Variants in SERPINE2 observed in about 807,000 individuals in gnomAD.
SERPINE2 encodes serpin family E member 2.
In SERPINE2, 14 loss-of-function variants were observed where a neutral mutation model predicts 36.3. The ratio of observed to expected loss-of-function variants is 0.39; its 90% CI spans 0.25 to 0.60. The LOEUF is 0.60. SERPINE2 is among the 20% of genes least tolerant of loss of function. SERPINE2 has a pLI of 0.57. For synonymous variants in SERPINE2, 192 were observed against 191.8 expected, an observed-to-expected ratio of 1.00 and a Z score of -0.01; for missense variants, 418 against 499.6, an observed-to-expected ratio of 0.84 and a Z score of 1.56.
At chr2:224,016,714 T>C (rs554113280) in intron 1 of SERPINE2, among the ~76,000 whole-genome samples, 2 of 152,250 alleles carry the variant, frequency 1.3e-5, no homozygotes, top group East Asian at 1.9e-4. Flanking sequence ...AGTCCCAAAG[T>C]GGAAACATCC....
chr2:224,033,897 T>A (rs1692456060), intron 1 of SERPINE2, among the ~76,000 whole-genome samples: 1 of 152,152 alleles, frequency 6.6e-6, no homozygotes, highest in African/African-American at 2.4e-5. Context: ...CTAAGTAATG[T>A]TTTATCTCAA....
intron 1 of SERPINE2, among the ~76,000 whole-genome samples, chr2:224,019,174 G>T (rs1170771741): frequency 6.6e-6 from 1 of 152,008 alleles, no homozygotes; most frequent in African/African-American, 2.4e-5. Context: ...TTTTTTTCCT[G>T]TTCATAAGTA....
intron 6 of SERPINE2, 64 bp downstream of exon 6, chr2:223,982,617 A>G: frequency 2.0e-6 from 2 of 995,996 alleles, no homozygotes; most frequent in Non-Finnish European, 3.1e-6. Flanking sequence ...TTTTCTCTGC[A>G]CAAATCAGTC....
chr2:223,991,894 T>C lies in SERPINE2; in HGVS notation c.594A>G (p.Gln198=), dbSNP rs1336288686. 3.1e-6 allele frequency: 5 copies of C among 1,613,306 alleles called. No individual in the cohort carries two copies. Among genetic ancestry groups the C allele is most frequent in the Non-Finnish European group, 4.2e-6 (5 of 1,179,624 alleles). ...AAGTGCGTTTCTTTGTGTTCTCGGG[T>C]TGGAACCGTGATTTCCACAGACCCT... ...YFKGLWKSRF[Q]PENTKKRTFV... The change falls in exon 4 of 9, where the codon CAA becomes CAG. Residue 198 remains glutamine (Q), a synonymous_variant. Coordinates refer to ENST00000409304, the MANE Select transcript of SERPINE2 (RefSeq NM_001136528.2).
At chr2:224,035,012 G>A (rs561091713) in intron 1 of SERPINE2, among the ~76,000 whole-genome samples, 8 of 152,314 alleles carry the variant, frequency 5.3e-5, no homozygotes, top group Non-Finnish European at 8.8e-5. Flanking sequence ...TTTAGAGTCA[G>A]GGATTTAAGC....
chr2:224,009,865 T>C (rs1691564325), intron 1 of SERPINE2, among the ~76,000 whole-genome samples: 1 of 152,192 alleles, frequency 6.6e-6, no homozygotes. Context: ...CTAGAAACTC[T>C]TCAGGAGGTG....
At chr2:224,027,445 C>T (rs1692223300) in intron 1 of SERPINE2, among the ~76,000 whole-genome samples, 1 of 152,126 alleles carries the variant, frequency 6.6e-6, no homozygotes, top group East Asian at 1.9e-4. Flanking sequence ...TCCACGCAGC[C>T]TTCCCCAACA....
Position 224,039,053 on chromosome 2 carries a change from G to A in SERPINE2, c.-23+46C>T, listed in dbSNP as rs1212675265. 1 of 151,364 alleles carries A rather than the reference G, an allele frequency of 6.6e-6. No individual in the cohort carries two copies. Among genetic ancestry groups the A allele is most frequent in the African/African-American group, 2.4e-5 (1 of 41,348 alleles). 9.4% of individuals were successfully genotyped at this position (151,364 alleles called of 1,614,324 possible). On this transcript the variant is annotated intron_variant, in intron 1 of 8. Transcript: ENST00000409304. The surrounding 1 kb of genome is among the most constrained non-coding windows in gnomAD (Gnocchi z 5.2). Reference sequence around the variant, plus strand: ...GCCCCGGGGAGCGTCCCCCGCCGAGGGCAGCGCCGGCCGCGCCCGGGACTC... The same window carrying A: ...GCCCCGGGGAGCGTCCCCCGCCGAGAGCAGCGCCGGCCGCGCCCGGGACTC...
At chr2:224,012,179 C>T (rs1691650288) in intron 1 of SERPINE2, among the ~76,000 whole-genome samples, 1 of 152,148 alleles carries the variant, frequency 6.6e-6, no homozygotes, top group African/African-American at 2.4e-5. Flanking sequence ...TTCTAATTCC[C>T]ACTTCTCCCC....
chr2:223,981,093 A>C (rs1690211831), intron 6 of SERPINE2: 1 of 152,284 alleles, frequency 6.6e-6, no homozygotes, highest in Non-Finnish European at 1.5e-5. Context: ...ACTTAAGTTG[A>C]TATTAGTCTG....
At chr2:223,991,409 G>T (rs1690666990) in intron 4 of SERPINE2, among the ~76,000 whole-genome samples, 1 of 152,138 alleles carries the variant, frequency 6.6e-6, no homozygotes, top group Admixed American at 6.5e-5. Context: ...AATTTTTGCT[G>T]ATCTGCTAAG....
At chr2:224,019,770 A>ATTT (rs1261601893) in intron 1 of SERPINE2, among the ~76,000 whole-genome samples, 1,391 of 129,234 alleles carry the variant, frequency 0.011, 26 homozygotes, top group African/African-American at 0.035. Context: ...TTTTTTAAAA[A>ATTT]AAAAAAAAGA....
At chr2:224,000,783 C>T (rs140623564) in intron 2 of SERPINE2, among the ~76,000 whole-genome samples, 4 of 152,080 alleles carry the variant, frequency 2.6e-5, no homozygotes, top group Non-Finnish European at 5.9e-5. Flanking sequence ...GAGAACATGC[C>T]GTGTTTGGTT....
At chr2:224,038,694 G>C in intron 1 of SERPINE2, 5 of 622,904 alleles carry the variant, frequency 8.0e-6, no homozygotes, top group Non-Finnish European at 1.1e-5. Context: ...CTAAGTCCGG[G>C]GTAGGGGTTG....
At chr2:223,999,677 T>C (rs551972957) in intron 2 of SERPINE2, among the ~76,000 whole-genome samples, 19 of 152,276 alleles carry the variant, frequency 1.2e-4, no homozygotes, top group African/African-American at 3.8e-4. Context: ...CCTGGCCCTT[T>C]TGGGGTAGGG....
intron 1 of SERPINE2, among the ~76,000 whole-genome samples, chr2:224,028,327 T>C (rs558640430): frequency 1.1e-4 from 17 of 152,358 alleles, no homozygotes; most frequent in African/African-American, 4.1e-4. Flanking sequence ...CATCATTCTC[T>C]ATTCTCTAGC....
chr2:223,985,357 G>A (rs1401454240), intron 4 of SERPINE2, among the ~76,000 whole-genome samples: 1 of 147,120 alleles, frequency 6.8e-6, no homozygotes, highest in Admixed American at 6.8e-5. Context: ...ACAATATGAC[G>A]TTATGGGATA....
At chr2:223,982,400 A>C in intron 6 of SERPINE2, 1 of 279,656 alleles carries the variant, frequency 3.6e-6, no homozygotes, top group South Asian at 4.8e-5. Context: ...GGAGGGGTGT[A>C]CTAAAATCTC....
chr2:224,031,364 C>T (rs191766471), intron 1 of SERPINE2: 1 of 985,368 alleles, frequency 1.0e-6, no homozygotes, highest in African/African-American at 1.7e-5. Context: ...GAGGCAGGCA[C>T]GAGGCTCTAG....
Sources: allele counts gnomAD v4.1 joint callset (sites outside exome capture counted in the v4.1 genomes callset), GRCh38; gene constraint gnomAD v4.1.1; non-coding constraint Gnocchi (gnomAD v3.1); transcripts MANE v1.5; gene names NCBI Gene and HGNC (gene_info 2026-07-23, HGNC 2026-07-21).